The following MAP3K3 variants were observed in gnomAD, a reference collection of about 807,000 sequenced individuals.
MAP3K3 encodes the protein MAP/ERK kinase kinase 3.
In MAP3K3, 12 loss-of-function variants were observed where a neutral mutation model predicts 80.9. The observed-to-expected ratio is 0.15, with a 90% CI of 0.10 to 0.24. MAP3K3 has a LOEUF of 0.24. Ranked by LOEUF, MAP3K3 falls within the 10% of genes least tolerant of loss-of-function variation. The probability of loss-of-function intolerance (pLI) is 1.00; values close to 1 mark genes in which losing one functional copy is unlikely to be tolerated. For missense variants in MAP3K3, 596 were observed against 834.7 expected (o/e 0.71, Z 3.52); for synonymous variants, 272 against 307.1 (o/e 0.89, Z 1.19).
rs148475535 is a variant in MAP3K3, at chr17:63,661,586, A to G, written c.381+3679A>G. On this transcript the variant is annotated intron_variant, in intron 5 of 15. Coordinates refer to ENST00000361733, the MANE Select transcript of MAP3K3 (RefSeq NM_002401.5). ...AGCTGAACCTTCTTTTGTAACTTGT[A>G]TTTGTATACGATAAAAACTAAACAC... 8.5e-3 allele frequency among the ~76,000 whole-genome samples: 1,300 copies of G among 152,304 alleles called. 22 individuals are homozygous for G. The highest frequency in any genetic ancestry group is 0.029 in the African/African-American group (1,224 of 41,576).
At chr17:63,685,325 C>T (rs2035425307) in intron 7 of MAP3K3, among the ~76,000 whole-genome samples, 192 bp from the exon 8 acceptor site, 1 of 152,218 alleles carries the variant, frequency 6.6e-6, no homozygotes, top group Non-Finnish European at 1.5e-5. Context: ...TTTTCTCCCT[C>T]CTGGAAACTT....
chr17:63,632,404 G>T (rs1382056609), intron 1 of MAP3K3, among the ~76,000 whole-genome samples: 1 of 152,092 alleles, frequency 6.6e-6, no homozygotes, highest in Non-Finnish European at 1.5e-5. Context: ...ATGTGGGAAG[G>T]TCACTTGAGC....
intron 3 of MAP3K3, among the ~76,000 whole-genome samples, chr17:63,648,597 G>T (rs190186574): frequency 6.6e-6 from 1 of 151,608 alleles, no homozygotes; most frequent in Non-Finnish European, 1.5e-5. Context: ...AGGCTGAGGC[G>T]GGCAGATAAA....
At chr17:63,674,751 G>A (rs185217265) in intron 6 of MAP3K3, among the ~76,000 whole-genome samples, 65 of 152,254 alleles carry the variant, frequency 4.3e-4, no homozygotes, top group Middle Eastern at 3.4e-3. Flanking sequence ...GACCATGGGG[G>A]AGCTGACTCC....
At chr17:63,634,913 G>A (rs920454792) in intron 2 of MAP3K3, 1 of 943,856 alleles carries the variant, frequency 1.1e-6, no homozygotes, top group Non-Finnish European at 1.7e-6. Flanking sequence ...TTTGTAAAAA[G>A]CATTGGTTAC....
intron 6 of MAP3K3, among the ~76,000 whole-genome samples, chr17:63,678,875 T>C (rs1002007244): frequency 2.0e-5 from 3 of 151,910 alleles, no homozygotes; most frequent in African/African-American, 7.3e-5. Context: ...ACTAAAAATA[T>C]AAGAATTAGC....
intron 8 of MAP3K3, chr17:63,688,238 T>A (rs2035501545): frequency 2.0e-6 from 1 of 494,896 alleles, no homozygotes. Flanking sequence ...TCTTTGCCTG[T>A]TACAGAGGTG....
In MAP3K3 at chr17:63,689,728, AACC is replaced by A; in HGVS notation, c.1058_1060del (p.Thr353del). ...TCTCTGTGCAGGAGAGGAATGTGCC[AACC>A]AAGTGTGAGGAGCTGTCCCTGGCTA... On this transcript the variant is annotated inframe_deletion, in exon 11 of 16. Coordinates refer to ENST00000361733, the MANE Select transcript of MAP3K3 (RefSeq NM_002401.5). The surrounding 1 kb of genome is among the most constrained non-coding windows in gnomAD (Gnocchi z 4.3). The A allele has an allele frequency of 6.2e-7, 1 of 1,612,162 alleles. No individual in the cohort carries two copies. Among genetic ancestry groups the A allele is most frequent in the Non-Finnish European group, 8.5e-7 (1 of 1,178,780 alleles).
At chr17:63,679,245 C>T (rs550671676) in intron 6 of MAP3K3, among the ~76,000 whole-genome samples, 5 of 152,228 alleles carry the variant, frequency 3.3e-5, no homozygotes, top group South Asian at 2.1e-4. Flanking sequence ...CAAGCCTCCC[C>T]GCCATTCTTT....
intron 10 of MAP3K3, 57 bp downstream of exon 10, chr17:63,688,938 T>TG: frequency 7.6e-7 from 1 of 1,319,350 alleles, no homozygotes; most frequent in South Asian, 1.2e-5. Flanking sequence ...CAAGTTGCCA[T>TG]GGGGAGGGTG....
intron 3 of MAP3K3, among the ~76,000 whole-genome samples, chr17:63,650,658 TAGAGAGAGAG>T (rs61412799): frequency 2.4e-3 from 282 of 117,270 alleles, no homozygotes; most frequent in African/African-American, 3.4e-3. Flanking sequence ...CTGTCTCTTA[TAGAGAGAGAG>T]AGAGAGAGAG....
intron 1 of MAP3K3, among the ~76,000 whole-genome samples, chr17:63,625,920 A>G (rs537285524): frequency 4.6e-5 from 7 of 152,202 alleles, no homozygotes; most frequent in Admixed American, 3.3e-4. Context: ...AAAAACACAC[A>G]AACTTAGCTG....
intron 7 of MAP3K3, among the ~76,000 whole-genome samples, chr17:63,683,924 A>C (rs1421299613): frequency 2.0e-5 from 3 of 152,084 alleles, no homozygotes. Context: ...TGGGAGGCCA[A>C]GGCAGGAGGA....
intron 6 of MAP3K3, among the ~76,000 whole-genome samples, chr17:63,669,643 C>T (rs1234598643): frequency 2.0e-5 from 3 of 152,022 alleles, no homozygotes; most frequent in Admixed American, 6.6e-5. Flanking sequence ...TTAGTAGAGA[C>T]GGGATTTCGC....
intron 1 of MAP3K3, among the ~76,000 whole-genome samples, chr17:63,626,973 A>G (rs1455727902): frequency 6.6e-6 from 1 of 152,226 alleles, no homozygotes; most frequent in Non-Finnish European, 1.5e-5. Context: ...TTATTAGAGA[A>G]TGTGGTGCTT....
At chr17:63,677,910 C>T (rs963307515) in intron 6 of MAP3K3, among the ~76,000 whole-genome samples, 16 of 152,238 alleles carry the variant, frequency 1.1e-4, no homozygotes, top group Non-Finnish European at 2.4e-4. Flanking sequence ...CTCCCTCCCA[C>T]ACCTGGCAGG....
intron 5 of MAP3K3, among the ~76,000 whole-genome samples, chr17:63,658,725 ATTTCT>A (rs2034822385): frequency 7.4e-6 from 1 of 135,624 alleles, no homozygotes; most frequent in African/African-American, 2.8e-5. Context: ...CATGCTGACC[ATTTCT>A]TTTCTTTTTT....
At position 63,690,358 on chromosome 17, in the gene MAP3K3, T is replaced by C; in HGVS notation, c.1158T>C (p.Arg386=). 1 of 1,614,196 alleles carries C rather than the reference T, an allele frequency of 6.2e-7. No homozygotes were observed. Among genetic ancestry groups the C allele is most frequent in the Non-Finnish European group, 8.5e-7 (1 of 1,180,034 alleles). ...VYLCYDVDTG[R]ELASKQVQFD... is the part of the protein sequence containing the mutation. The stretch of plus-strand genomic sequence containing the variant: ...TGTGCTATGACGTGGACACGGGACG[T>C]GAACTTGCTTCCAAGCAGGTCCAAT... Residue 386 remains arginine (R), a synonymous_variant, in exon 12 of 16, where the codon CGT becomes CGC. Coordinates refer to ENST00000361733, the MANE Select transcript of MAP3K3 (RefSeq NM_002401.5).
intron 1 of MAP3K3, 137 bp from the exon 2 acceptor site, chr17:63,632,544 G>A (rs2034238119): frequency 1.1e-6 from 1 of 898,544 alleles, no homozygotes; most frequent in Non-Finnish European, 1.7e-6. Context: ...TGACCTTTTG[G>A]GCTGCATCTG....
Sources: allele counts gnomAD v4.1 joint callset (sites outside exome capture counted in the v4.1 genomes callset), GRCh38; gene constraint gnomAD v4.1.1; non-coding constraint Gnocchi (gnomAD v3.1); transcripts MANE v1.5; gene names NCBI Gene and HGNC (gene_info 2026-07-23, HGNC 2026-07-21).